The following GNAI1 variants were observed in gnomAD, a reference collection of about 807,000 sequenced individuals.
GNAI1 encodes guanine nucleotide-binding protein G(i) subunit alpha-1.
GNAI1 carries 11 observed loss-of-function variants against 38.9 expected under a neutral mutation model. That is an observed-to-expected ratio of 0.28 (90% CI 0.18 to 0.47). GNAI1 has a LOEUF of 0.47. GNAI1 is among the 20% of genes least tolerant of loss of function. GNAI1 has a pLI of 0.99. For synonymous variants in GNAI1, 166 were observed against 145.1 expected, an observed-to-expected ratio of 1.14 and a Z score of -1.04; for missense variants, 317 against 436.9, an observed-to-expected ratio of 0.73 and a Z score of 2.45.
chr7:80,144,857 A>G (rs116085849), intron 1 of GNAI1, among the ~76,000 whole-genome samples: 1 of 152,330 alleles, frequency 6.6e-6, no homozygotes, highest in African/African-American at 2.4e-5. Context: ...ATACTAGCTC[A>G]CTTAAGTTTT....
intron 5 of GNAI1, among the ~76,000 whole-genome samples, chr7:80,209,413 G>T (rs759679073): frequency 1.3e-5 from 2 of 152,170 alleles, no homozygotes; most frequent in Non-Finnish European, 2.9e-5. Flanking sequence ...CTCAGTTTTT[G>T]CCAGTTTTAG....
intron 4 of GNAI1, among the ~76,000 whole-genome samples, chr7:80,199,599 A>G (rs1436798078): frequency 6.6e-6 from 1 of 152,192 alleles, no homozygotes; most frequent in East Asian, 1.9e-4. Flanking sequence ...CAAGAGACTC[A>G]TGCTATGTAA....
Position 80,222,481 on chromosome 7 carries a change from G to A in GNAI1, c.*4988G>A, listed in dbSNP as rs1016005846. On this transcript the variant is annotated 3_prime_UTR_variant, in exon 8 of 8. Transcript: ENST00000649796. ...CGGCTCACCGCAACATCCGCCTCCC[G>A]GGTACAAGCAATTCTCCTGCCTCAG... Among the ~76,000 whole-genome samples the A allele has an allele frequency of 4.7e-5, 7 of 148,894 alleles. No homozygotes were observed. The highest frequency in any genetic ancestry group is 6.8e-5 in the Admixed American group (1 of 14,798).
chr7:80,221,830 G>T lies in GNAI1; in HGVS notation c.*4337G>T, dbSNP rs1195287935. Among the ~76,000 whole-genome samples, 1 of 151,394 alleles carries T rather than the reference G, an allele frequency of 6.6e-6. No homozygotes were observed. The highest frequency in any genetic ancestry group is 1.5e-5 in the Non-Finnish European group (1 of 67,830). On this transcript the variant is annotated 3_prime_UTR_variant, in exon 8 of 8. Coordinates refer to ENST00000649796, the MANE Select transcript of GNAI1 (RefSeq NM_002069.6). Reference sequence around the variant, plus strand: ...GCTAATTTTTGTATTTTTAGTAAAGGGGGGTTTCACCATGTTGGCCAGGAT... The same window carrying T: ...GCTAATTTTTGTATTTTTAGTAAAGTGGGGTTTCACCATGTTGGCCAGGAT...
intron 1 of GNAI1, among the ~76,000 whole-genome samples, chr7:80,153,201 T>C (rs1464051397): frequency 6.6e-6 from 1 of 152,182 alleles, no homozygotes; most frequent in Non-Finnish European, 1.5e-5. Flanking sequence ...GTTAAATTAA[T>C]CAAGCTTGTC....
chr7:80,195,224 T>A (rs1788547319), intron 3 of GNAI1, among the ~76,000 whole-genome samples: 1 of 151,872 alleles, frequency 6.6e-6, no homozygotes, highest in South Asian at 2.1e-4. Context: ...ATAATATGTT[T>A]ATTGATAATT....
intron 3 of GNAI1, among the ~76,000 whole-genome samples, chr7:80,191,840 C>G (rs1023014147): frequency 1.3e-5 from 2 of 152,142 alleles, no homozygotes; most frequent in African/African-American, 4.8e-5. Flanking sequence ...GTTTTAGTAT[C>G]CGTTCATAAG....
intron 1 of GNAI1, chr7:80,136,222 G>T (rs1275200954): frequency 2.1e-5 from 4 of 190,258 alleles, no homozygotes. Flanking sequence ...TACAGGTTAA[G>T]ATTCGTGAGT....
chr7:80,142,351 A>G (rs1787541726), intron 1 of GNAI1, among the ~76,000 whole-genome samples: 1 of 152,212 alleles, frequency 6.6e-6, no homozygotes, highest in Non-Finnish European at 1.5e-5. Flanking sequence ...CTTACATGTC[A>G]TATTGAACCC....
At chr7:80,189,524 A>G (rs1788443904) in intron 3 of GNAI1, among the ~76,000 whole-genome samples, 1 of 152,296 alleles carries the variant, frequency 6.6e-6, no homozygotes, top group Non-Finnish European at 1.5e-5. Flanking sequence ...CTGTATTCCC[A>G]TAATAATTTT....
At chr7:80,200,349 C>CAAAA (rs1788662418) in intron 4 of GNAI1, among the ~76,000 whole-genome samples, 1 of 44,308 alleles carries the variant, frequency 2.3e-5, no homozygotes, top group African/African-American at 1.1e-4. Context: ...AAAAAAAAAC[C>CAAAA]TAATCAGGGA....
chr7:80,138,993 A>G (rs994762928), intron 1 of GNAI1, among the ~76,000 whole-genome samples: 1 of 152,144 alleles, frequency 6.6e-6, no homozygotes, highest in Non-Finnish European at 1.5e-5. Flanking sequence ...TAGTTGAGAA[A>G]TGTTGGCTAT....
At chr7:80,144,781 G>C (rs1038927550) in intron 1 of GNAI1, among the ~76,000 whole-genome samples, 8 of 152,146 alleles carry the variant, frequency 5.3e-5, no homozygotes, top group Non-Finnish European at 8.8e-5. Context: ...CTTCTTATAT[G>C]GTTCCGAAGT....
chr7:80,217,249 T>TC, intron 7 of GNAI1, 54 bp from the exon 8 acceptor site: 2 of 1,162,572 alleles, frequency 1.7e-6, no homozygotes, highest in Non-Finnish European at 2.4e-6. Flanking sequence ...TTCAGTATTT[T>TC]AAGCAGTTAT....
rs1272568458 is a variant in GNAI1 at position 80,176,814 on chromosome 7, G to A, written c.119-12137G>A. On this transcript the variant is annotated intron_variant, in intron 1 of 7. Coordinates refer to ENST00000649796, the MANE Select transcript of GNAI1 (RefSeq NM_002069.6). ...TTAGCCAGGGGTGGTGACAGGGGCTGTAATCCCAGCTACTCGGGAGGCTGA... is the reference window on the plus strand; with the variant it reads ...TTAGCCAGGGGTGGTGACAGGGGCTATAATCCCAGCTACTCGGGAGGCTGA... Among the ~76,000 whole-genome samples, 3 of 151,142 alleles carry A rather than the reference G, an allele frequency of 2.0e-5. No individual in the cohort carries two copies. In the East Asian group the frequency reaches 6.1e-4, roughly 31 times the overall value.
chr7:80,149,298 T>C (rs985834032), intron 1 of GNAI1, among the ~76,000 whole-genome samples: 3 of 152,150 alleles, frequency 2.0e-5, no homozygotes, highest in African/African-American at 4.8e-5. Context: ...TTTACAGTCA[T>C]GTACTATGCT....
At chr7:80,172,131 G>A (rs776103867) in intron 1 of GNAI1, among the ~76,000 whole-genome samples, 1 of 152,006 alleles carries the variant, frequency 6.6e-6, no homozygotes, top group Non-Finnish European at 1.5e-5. Flanking sequence ...ATTTCTTAAC[G>A]TTGTCCTGGC....
rs1789134634 is a variant in GNAI1, at chr7:80,224,952, G to T, written c.*7459G>T. Among the ~76,000 whole-genome samples, 4 of 152,184 alleles carry T rather than the reference G, an allele frequency of 2.6e-5. No individual in the cohort carries two copies. The highest frequency in any genetic ancestry group is 2.0e-4 in the Admixed American group (3 of 15,278). ...TGCATTATATTTGTATTTGGGAAATGAAATGCTTTATTTTTCTTCCACAAC... is the reference window on the plus strand; with the variant it reads ...TGCATTATATTTGTATTTGGGAAATTAAATGCTTTATTTTTCTTCCACAAC... On this transcript the variant is annotated 3_prime_UTR_variant, in exon 8 of 8. Coordinates refer to ENST00000649796, the MANE Select transcript of GNAI1 (RefSeq NM_002069.6).
intron 1 of GNAI1, among the ~76,000 whole-genome samples, chr7:80,146,969 G>A (rs192955590): frequency 6.6e-6 from 1 of 152,230 alleles, no homozygotes; most frequent in Admixed American, 6.5e-5. Flanking sequence ...ACTTGTTTTA[G>A]TAGTGCATTT....
Sources: allele counts gnomAD v4.1 joint callset (sites outside exome capture counted in the v4.1 genomes callset), GRCh38; gene constraint gnomAD v4.1.1; transcripts MANE v1.5; gene names NCBI Gene and HGNC (gene_info 2026-07-23, HGNC 2026-07-21).